Variants in TP53BP1 observed in about 807,000 individuals in gnomAD.
TP53BP1 encodes TP53-binding protein 1.
A neutral mutation model predicts 200.8 loss-of-function variants in TP53BP1; 61 were observed. The observed-to-expected ratio is 0.30, with a 90% confidence interval of 0.25 to 0.38. TP53BP1 has a LOEUF of 0.38. TP53BP1 is among the 10% of genes least tolerant of loss of function. The pLI, the probability that TP53BP1 is intolerant of heterozygous loss-of-function variation, is 1.00. For synonymous variants in TP53BP1, 822 were observed against 844.3 expected, an observed-to-expected ratio of 0.97 and a Z score of 0.46; for missense variants, 2,144 against 2,371.9, an observed-to-expected ratio of 0.90 and a Z score of 2.00.
intron 11 of TP53BP1, among the ~76,000 whole-genome samples, chr15:43,466,942 C>G (rs1595593042): frequency 1.3e-5 from 2 of 152,238 alleles, no homozygotes; most frequent in Middle Eastern, 3.4e-3. Flanking sequence ...AAGTGGTTAT[C>G]TTTGGGTAGG....
At chr15:43,410,361 T>C (rs914492815) in intron 24 of TP53BP1, among the ~76,000 whole-genome samples, 4 of 152,154 alleles carry the variant, frequency 2.6e-5, no homozygotes, top group Non-Finnish European at 4.4e-5. Flanking sequence ...CTATCTACCT[T>C]TGATGATCTT....
chr15:43,406,659 G>A lies in TP53BP1; in HGVS notation c.*724C>T, dbSNP rs1415436320. The A allele has an allele frequency of 2.2e-6, 1 of 453,424 alleles. No homozygotes were observed. Among genetic ancestry groups the A allele is most frequent in the Non-Finnish European group, 4.4e-6 (1 of 226,102 alleles). The allele number at this position is 453,424 out of a possible 1,614,324, so 28.1% of individuals were successfully genotyped here. On this transcript the variant is annotated 3_prime_UTR_variant, in exon 28 of 28. Transcript: ENST00000382044. The stretch of plus-strand genomic sequence containing the variant: ...GAGAAGCCATGCAGGGATCAGTGAT[G>A]CCAGAGGAAGGGAAGGAACTGCTTC...
Position 43,416,372 on chromosome 15 carries a change from T to C in TP53BP1, c.4726A>G (p.Ser1576Gly). Reference sequence around the variant, plus strand: ...TTTCTTTGGCCTTCTTTTTCAATGCTGTAGTACAGTTCCCCAGACTCCTTC... The same window carrying C: ...TTTCTTTGGCCTTCTTTTTCAATGCCGTAGTACAGTTCCCCAGACTCCTTC... ...HRKESGELYY[S>G]IEKEGQRKWY... The change falls in exon 22 of 28, where the codon AGC (serine) becomes GGC (glycine). Residue 1576 changes from serine to glycine, a missense_variant. Coordinates refer to ENST00000382044, the MANE Select transcript of TP53BP1 (RefSeq NM_001141980.3). The C allele has an allele frequency of 6.2e-7, 1 of 1,614,224 alleles. No individual in the cohort carries two copies. The highest frequency in any genetic ancestry group is 8.5e-7 in the Non-Finnish European group (1 of 1,180,022).
intron 14 of TP53BP1, among the ~76,000 whole-genome samples, chr15:43,442,473 T>C (rs971433181): frequency 1.3e-5 from 2 of 151,770 alleles, no homozygotes; most frequent in Non-Finnish European, 2.9e-5. Context: ...ACTAATAAGA[T>C]TGGCAAGAAA....
intron 1 of TP53BP1, among the ~76,000 whole-genome samples, chr15:43,507,476 C>T (rs959185003): frequency 1.3e-5 from 2 of 152,192 alleles, no homozygotes; most frequent in Admixed American, 6.5e-5. Context: ...CTGGACAACT[C>T]GTAGTCAAGA....
chr15:43,424,042 C>G (rs1205850202), intron 18 of TP53BP1, among the ~76,000 whole-genome samples: 1 of 152,210 alleles, frequency 6.6e-6, no homozygotes, highest in Non-Finnish European at 1.5e-5. Flanking sequence ...GGATTTACCA[C>G]AAACACCTGA....
At chr15:43,486,054 A>G (rs2079042557) in intron 4 of TP53BP1, among the ~76,000 whole-genome samples, 2 of 152,058 alleles carry the variant, frequency 1.3e-5, no homozygotes, top group South Asian at 4.1e-4. Context: ...AATTACCATC[A>G]AAAATTGAGA....
At chr15:43,418,394 C>T (rs1461917301) in intron 21 of TP53BP1, among the ~76,000 whole-genome samples, 10 of 142,882 alleles carry the variant, frequency 7.0e-5, no homozygotes, top group African/African-American at 2.4e-4. Context: ...CCCAGCTACT[C>T]GGGAGGCTGA....
intron 26 of TP53BP1, 45 bp from the exon 27 acceptor site, chr15:43,408,133 C>A: frequency 6.3e-7 from 1 of 1,586,508 alleles, no homozygotes; most frequent in Non-Finnish European, 8.6e-7. Flanking sequence ...AAGTAATATC[C>A]AACAAACTGC....
At chr15:43,444,583 G>A (rs993171151) in intron 14 of TP53BP1, among the ~76,000 whole-genome samples, 3 of 152,148 alleles carry the variant, frequency 2.0e-5, no homozygotes, top group African/African-American at 7.2e-5. Flanking sequence ...GCTATGTTTA[G>A]GGAAGGCGCT....
At chr15:43,473,521 CAG>C (rs1304481777) in intron 10 of TP53BP1, among the ~76,000 whole-genome samples, 2 of 152,180 alleles carry the variant, frequency 1.3e-5, no homozygotes, top group African/African-American at 4.8e-5. Context: ...GAGCTAGACA[CAG>C]GGTGCTGATT....
At chr15:43,419,824 G>T (rs2045353273) in intron 21 of TP53BP1, among the ~76,000 whole-genome samples, 1 of 152,126 alleles carries the variant, frequency 6.6e-6, no homozygotes, top group Non-Finnish European at 1.5e-5. Context: ...AAAAGACTGA[G>T]AAATTGCCAC....
At chr15:43,482,695 G>C (rs915510635) in intron 4 of TP53BP1, among the ~76,000 whole-genome samples, 30 of 152,058 alleles carry the variant, frequency 2.0e-4, no homozygotes, top group African/African-American at 7.0e-4. Flanking sequence ...TTGAACCTGG[G>C]AATCGGAGGT....
chr15:43,503,029 A>G (rs1238903331), intron 1 of TP53BP1, among the ~76,000 whole-genome samples: 2 of 130,374 alleles, frequency 1.5e-5, no homozygotes. Context: ...CTGGGATTAC[A>G]TGCGTGAGCC....
intron 1 of TP53BP1, among the ~76,000 whole-genome samples, chr15:43,507,253 G>A (rs1340357713): frequency 1.3e-5 from 2 of 151,950 alleles, no homozygotes; most frequent in Non-Finnish European, 2.9e-5. Flanking sequence ...TCCTGCCTCA[G>A]CCTCCCGAGT....
chr15:43,413,366 G>C, intron 23 of TP53BP1, 32 bp from the exon 24 acceptor site: 1 of 1,582,910 alleles, frequency 6.3e-7, no homozygotes. Context: ...TTACTAGAGG[G>C]ATACACACCA....
intron 4 of TP53BP1, among the ~76,000 whole-genome samples, chr15:43,490,758 A>G (rs2079110320): frequency 6.6e-6 from 1 of 152,170 alleles, no homozygotes; most frequent in Admixed American, 6.5e-5. Flanking sequence ...ACTTACTAGC[A>G]ATGTACTCTA....
upstream of TP53BP1, among the ~76,000 whole-genome samples, chr15:43,494,799 A>AT (rs886889470): frequency 1.5e-4 from 23 of 152,198 alleles, no homozygotes; most frequent in African/African-American, 5.3e-4. Context: ...AAAAGTTACC[A>AT]TTTTTTTGCT....
At chr15:43,485,813 T>G (rs1040976412) in intron 4 of TP53BP1, among the ~76,000 whole-genome samples, 23 of 151,490 alleles carry the variant, frequency 1.5e-4, no homozygotes, top group Non-Finnish European at 1.0e-4. Context: ...GCCACTGCGC[T>G]CCAGCCTGGG....
Sources: allele counts gnomAD v4.1 joint callset (sites outside exome capture counted in the v4.1 genomes callset), GRCh38; gene constraint gnomAD v4.1.1; transcripts MANE v1.5; gene names NCBI Gene and HGNC (gene_info 2026-07-23, HGNC 2026-07-21).